The following CPNE5 variants were observed in gnomAD, a reference collection of about 807,000 sequenced individuals.
CPNE5 encodes copine 5, also known as copine-5.
A neutral mutation model predicts 81.1 loss-of-function variants in CPNE5; 42 were observed. That is an observed-to-expected ratio of 0.52 (90% confidence interval 0.40 to 0.67). The LOEUF (loss-of-function observed/expected upper bound fraction) is 0.67, where lower values mean the gene tolerates loss of function less well. CPNE5 is among the 30% of genes least tolerant of loss of function. The pLI is 0.00. For synonymous variants in CPNE5, 313 were observed against 321.5 expected, an observed-to-expected ratio of 0.97 and a Z score of 0.28; for missense variants, 612 against 815.5, an observed-to-expected ratio of 0.75 and a Z score of 3.04.
intron 9 of CPNE5, among the ~76,000 whole-genome samples, chr6:36,776,341 G>T (rs963023593): frequency 1.1e-4 from 17 of 152,230 alleles, no homozygotes; most frequent in South Asian, 2.1e-4. Flanking sequence ...CTGTCACCAT[G>T]GCTTAGCGTT....
intron 10 of CPNE5, among the ~76,000 whole-genome samples, chr6:36,770,668 G>A (rs1264594829): frequency 6.6e-6 from 1 of 151,884 alleles, no homozygotes; most frequent in African/African-American, 2.4e-5. Context: ...GCCTCTCAGG[G>A]CACCAGATCT....
At chr6:36,743,208 T>C (rs569225384) in intron 20 of CPNE5, 2 of 985,414 alleles carry the variant, frequency 2.0e-6, no homozygotes, top group East Asian at 2.3e-4. Flanking sequence ...GGAGGGTGCA[T>C]TCTTCCACGT....
chr6:36,784,744 C>T (rs1768370164), intron 8 of CPNE5, among the ~76,000 whole-genome samples: 1 of 152,084 alleles, frequency 6.6e-6, no homozygotes, highest in Non-Finnish European at 1.5e-5. Flanking sequence ...GATTTCGAGA[C>T]CAGCCTGGAC....
intron 3 of CPNE5, among the ~76,000 whole-genome samples, chr6:36,808,173 C>T (rs375392469): frequency 2.6e-5 from 4 of 152,206 alleles, no homozygotes; most frequent in South Asian, 2.1e-4. Flanking sequence ...TCACTGCAAC[C>T]TCTGCCTCCT....
chr6:36,783,560 G>A (rs892097112), intron 8 of CPNE5, among the ~76,000 whole-genome samples: 1 of 152,116 alleles, frequency 6.6e-6, no homozygotes, highest in Admixed American at 6.5e-5. Context: ...CTGGAGTGCT[G>A]TGGTGCGATC....
chr6:36,780,259 G>T (rs959915280), intron 8 of CPNE5, among the ~76,000 whole-genome samples: 2 of 152,164 alleles, frequency 1.3e-5, no homozygotes, highest in African/African-American at 4.8e-5. Flanking sequence ...CACTGCACCT[G>T]GCCCCCCCTT....
chr6:36,810,037 T>C (rs1264458503), intron 3 of CPNE5, among the ~76,000 whole-genome samples: 1 of 151,936 alleles, frequency 6.6e-6, no homozygotes, highest in Non-Finnish European at 1.5e-5. Flanking sequence ...AGAGAAGCCC[T>C]CCCAGAGGCA....
In CPNE5 at chr6:36,746,517, G is replaced by A. The variant is rs1438144376; in HGVS notation, c.1079C>T (p.Ala360Val). Reference sequence around the variant, plus strand: ...CTCTCCGACGGCAGTCAGCGCCAGCGCGTAGGCGTTCAGCTGGTAGGGGCT... The same window carrying A: ...CTCTCCGACGGCAGTCAGCGCCAGCACGTAGGCGTTCAGCTGGTAGGGGCT... ...YMSPYQLNAY[A>V]LALTAVGEII... The change falls in exon 16 of 21, where the codon GCG (alanine) becomes GTG (valine). Residue 360 changes from alanine to valine, a missense_variant. Transcript: ENST00000244751. The surrounding 1 kb of genome is among the most constrained non-coding windows in gnomAD (Gnocchi z 4.5). 1.5e-5 allele frequency: 25 copies of A among 1,613,648 alleles called. No individual in the cohort carries two copies. Among genetic ancestry groups the A allele is most frequent in the East Asian group, 2.2e-5 (1 of 44,874 alleles).
rs114961583 is a variant in CPNE5, at chr6:36,742,689, T to C, written c.1564-203A>G. 1.6e-3 allele frequency: 1,611 copies of C among 985,144 alleles called. 26 individuals carry two copies. The African/African-American group carries it at 0.026, about 16-fold the overall frequency. 61.0% of individuals were successfully genotyped at this position (985,144 alleles called of 1,614,324 possible). On this transcript the variant is annotated intron_variant, in intron 20 of 20. Coordinates refer to ENST00000244751, the MANE Select transcript of CPNE5 (RefSeq NM_020939.2). The stretch of plus-strand genomic sequence containing the variant: ...TCAGTAACTATAGTCATAGTCACTA[T>C]TCTTTCATTCACTCGACAAAAACTG...
At chr6:36,745,285 G>T in intron 17 of CPNE5, 103 bp downstream of exon 17, 1 of 1,466,084 alleles carries the variant, frequency 6.8e-7, no homozygotes, top group Non-Finnish European at 9.3e-7. Context: ...TCCCTGAAAG[G>T]CAAGTGCGTG....
At chr6:36,773,203 G>A (rs944884584) in intron 10 of CPNE5, among the ~76,000 whole-genome samples, 1 of 152,138 alleles carries the variant, frequency 6.6e-6, no homozygotes, top group Non-Finnish European at 1.5e-5. Flanking sequence ...ACACCCCAGT[G>A]CTCCTGTCGG....
intron 10 of CPNE5, among the ~76,000 whole-genome samples, chr6:36,768,303 C>T: frequency 7.6e-6 from 1 of 132,066 alleles, no homozygotes; most frequent in East Asian, 2.4e-4. Context: ...GGTACGATCT[C>T]GGCTCACTGC....
chr6:36,762,124 G>C (rs907327254), intron 12 of CPNE5, among the ~76,000 whole-genome samples: 19 of 151,456 alleles, frequency 1.3e-4, no homozygotes, highest in Non-Finnish European at 1.9e-4. Flanking sequence ...ATGGTGGTGC[G>C]TGCTTGTGGT....
At chr6:36,819,564 T>C (rs1474523994) in intron 3 of CPNE5, among the ~76,000 whole-genome samples, 1 of 152,186 alleles carries the variant, frequency 6.6e-6, no homozygotes. Flanking sequence ...GAAGGGAAAT[T>C]CATTAATAAA....
intron 4 of CPNE5, 33 bp downstream of exon 4, chr6:36,799,934 C>A: frequency 1.3e-6 from 2 of 1,489,220 alleles, no homozygotes; most frequent in South Asian, 1.1e-5. Context: ...TCCTCCCCAC[C>A]TGGCTGCATC....
chr6:36,817,620 C>T (rs1212854108), intron 3 of CPNE5, among the ~76,000 whole-genome samples: 2 of 152,186 alleles, frequency 1.3e-5, no homozygotes, highest in East Asian at 1.9e-4. Flanking sequence ...GGACAGCCCC[C>T]GTTGGCCCCT....
chr6:36,803,914 T>C (rs1279174955), intron 3 of CPNE5, among the ~76,000 whole-genome samples: 1 of 152,172 alleles, frequency 6.6e-6, no homozygotes, highest in Non-Finnish European at 1.5e-5. Context: ...CCCTAGGTGA[T>C]CGTAATGTGC....
chr6:36,756,596 C>A (rs1226611945), intron 12 of CPNE5, among the ~76,000 whole-genome samples: 1 of 152,140 alleles, frequency 6.6e-6, no homozygotes, highest in African/African-American at 2.4e-5. Context: ...CCCAGTATAG[C>A]CAAAGAAGTC....
intron 3 of CPNE5, among the ~76,000 whole-genome samples, chr6:36,821,855 T>C (rs181739448): frequency 2.6e-5 from 4 of 152,284 alleles, no homozygotes; most frequent in Middle Eastern, 3.4e-3. Flanking sequence ...TGCGTCTCCC[T>C]GGGACTGGGG....
Sources: allele counts gnomAD v4.1 joint callset (sites outside exome capture counted in the v4.1 genomes callset), GRCh38; gene constraint gnomAD v4.1.1; non-coding constraint Gnocchi (gnomAD v3.1); transcripts MANE v1.5; gene names NCBI Gene and HGNC (gene_info 2026-07-23, HGNC 2026-07-21).